MYO1D: variants seen among roughly 807,000 people sequenced by gnomAD.
MYO1D encodes the protein myosin ID.
In MYO1D, 83 loss-of-function variants were observed where a neutral mutation model predicts 122.0. The ratio of observed to expected loss-of-function variants is 0.68; its 90% CI spans 0.57 to 0.82. The LOEUF is 0.82. Ranked by LOEUF, MYO1D falls within the 40% of genes least tolerant of loss-of-function variation. The probability of loss-of-function intolerance (pLI) is 0.00; values close to 1 mark genes in which losing one functional copy is unlikely to be tolerated. For synonymous variants in MYO1D, 464 were observed against 446.9 expected, an observed-to-expected ratio of 1.04 and a Z score of -0.48; for missense variants, 1,157 against 1,269.5, an observed-to-expected ratio of 0.91 and a Z score of 1.35.
intron 14 of MYO1D, among the ~76,000 whole-genome samples, chr17:32,735,209 A>C (rs566030428): frequency 6.6e-6 from 1 of 151,688 alleles, no homozygotes; most frequent in Admixed American, 6.6e-5. Flanking sequence ...TATTTTTTTG[A>C]GATGGAGTCT....
chr17:32,644,081 C>G (rs1306432556), intron 19 of MYO1D, among the ~76,000 whole-genome samples: 1 of 152,010 alleles, frequency 6.6e-6, no homozygotes, highest in African/African-American at 2.4e-5. Flanking sequence ...CTACACACTG[C>G]TTTGAATGTG....
chr17:32,553,948 A>T (rs904113732), intron 21 of MYO1D, among the ~76,000 whole-genome samples: 2 of 152,094 alleles, frequency 1.3e-5, no homozygotes, highest in African/African-American at 4.8e-5. Flanking sequence ...ACGTTCTAAC[A>T]TGTCTGTGTC....
chr17:32,570,372 T>A (rs556856610), intron 21 of MYO1D, among the ~76,000 whole-genome samples: 21 of 151,316 alleles, frequency 1.4e-4, no homozygotes, highest in South Asian at 1.0e-3. Flanking sequence ...TTAAAAAAAA[T>A]TTTTTTTTTT....
At chr17:32,780,892 A>G in intron 1 of MYO1D, 108 bp from the exon 2 acceptor site, 1 of 1,077,572 alleles carries the variant, frequency 9.3e-7, no homozygotes, top group Non-Finnish European at 1.4e-6. Flanking sequence ...CCTAGGAATG[A>G]TTTCTGAACT....
intron 21 of MYO1D, among the ~76,000 whole-genome samples, chr17:32,593,698 G>C (rs527392828): frequency 1.3e-5 from 2 of 152,348 alleles, no homozygotes; most frequent in African/African-American, 4.8e-5. Flanking sequence ...AGCACTTTGG[G>C]AAGTTGAGGC....
At chr17:32,588,916 C>T (rs2087414135) in intron 21 of MYO1D, among the ~76,000 whole-genome samples, 1 of 152,094 alleles carries the variant, frequency 6.6e-6, no homozygotes. Context: ...GCACTCCAGT[C>T]TGGGTGACAG....
intron 21 of MYO1D, among the ~76,000 whole-genome samples, chr17:32,540,465 C>G (rs1450726187): frequency 6.6e-6 from 1 of 151,650 alleles, no homozygotes; most frequent in Admixed American, 6.6e-5. Flanking sequence ...AAAAGACAGC[C>G]CAGTTGAAAA....
intron 16 of MYO1D, among the ~76,000 whole-genome samples, chr17:32,706,748 G>A (rs1467182839): frequency 1.3e-5 from 2 of 152,128 alleles, no homozygotes; most frequent in Admixed American, 6.5e-5. Flanking sequence ...CCAGGCTGGA[G>A]TGTAGTGGCG....
intron 20 of MYO1D, among the ~76,000 whole-genome samples, chr17:32,615,455 C>A (rs766729616): frequency 7.9e-5 from 12 of 152,130 alleles, no homozygotes; most frequent in Non-Finnish European, 1.2e-4. Context: ...TGCCATCTGG[C>A]TTCTTCTTGC....
At chr17:32,765,661 T>G (rs1381337250) in intron 7 of MYO1D, among the ~76,000 whole-genome samples, 2 of 152,090 alleles carry the variant, frequency 1.3e-5, no homozygotes, top group African/African-American at 4.8e-5. Context: ...GGTTTCACCA[T>G]GTTAGCTAGG....
At chr17:32,788,964 C>T (rs1292248088) in intron 1 of MYO1D, among the ~76,000 whole-genome samples, 1 of 151,936 alleles carries the variant, frequency 6.6e-6, no homozygotes, top group Non-Finnish European at 1.5e-5. Flanking sequence ...AATCTTTCAC[C>T]TCCTTGGTTA....
At chr17:32,806,158 T>C (rs899705505) in intron 1 of MYO1D, among the ~76,000 whole-genome samples, 3 of 151,986 alleles carry the variant, frequency 2.0e-5, no homozygotes, top group East Asian at 1.9e-4. Flanking sequence ...ACTCGGGAGG[T>C]TGAGCAGAAG....
intron 1 of MYO1D, among the ~76,000 whole-genome samples, chr17:32,852,718 G>A (rs1598156314): frequency 6.6e-6 from 1 of 152,058 alleles, no homozygotes; most frequent in East Asian, 1.9e-4. Flanking sequence ...TTATCTTATT[G>A]TCTTTATATA....
rs560769511 is a variant in MYO1D, at chr17:32,525,196, T to C, written c.2865-30281A>G. On this transcript the variant is annotated intron_variant, in intron 21 of 21. Coordinates refer to ENST00000318217, the MANE Select transcript of MYO1D (RefSeq NM_015194.3). ...CTGGTAGGATTTATTTGGCTGTCAG[T>C]TGATAGTCCTCTGACCACTGCTCCA... Among the ~76,000 whole-genome samples, 27 of 152,348 alleles carry C rather than the reference T, an allele frequency of 1.8e-4. No individual in the cohort carries two copies. In the South Asian group the frequency reaches 3.7e-3, roughly 21 times the overall value.
intron 18 of MYO1D, 22 bp downstream of exon 18, chr17:32,654,455 C>T (rs1452250895): frequency 3.2e-6 from 5 of 1,577,134 alleles, no homozygotes; most frequent in Non-Finnish European, 4.3e-6. Context: ...AAGTAGATTT[C>T]ACTTTGTTCC....
At position 32,804,320 on chromosome 17, in the gene MYO1D, C is replaced by T. The variant is rs140029052; in HGVS notation, c.96-23536G>A. Among the ~76,000 whole-genome samples, 203 of 152,294 alleles carry T rather than the reference C, an allele frequency of 1.3e-3. 1 individual carries two copies. Among genetic ancestry groups the T allele is most frequent in the Non-Finnish European group, 1.8e-3 (124 of 68,014 alleles). ...TTCTATTAGCAGTTGATTGAATCCACAGATGCAGGACACATAGATATAGAG... is the reference window on the plus strand; with the variant it reads ...TTCTATTAGCAGTTGATTGAATCCATAGATGCAGGACACATAGATATAGAG... On this transcript the variant is annotated intron_variant, in intron 1 of 21. Coordinates refer to ENST00000318217, the MANE Select transcript of MYO1D (RefSeq NM_015194.3).
chr17:32,720,832 A>G (rs1224250108), intron 15 of MYO1D, among the ~76,000 whole-genome samples, 191 bp downstream of exon 15: 1 of 152,302 alleles, frequency 6.6e-6, no homozygotes, highest in African/African-American at 2.4e-5. Flanking sequence ...AAACTTTTTC[A>G]TGGTCCATAA....
chr17:32,554,018 G>A (rs1182299232), intron 21 of MYO1D, among the ~76,000 whole-genome samples: 1 of 152,004 alleles, frequency 6.6e-6, no homozygotes, highest in African/African-American at 2.4e-5. Flanking sequence ...TAGTTGTTAT[G>A]GTCTAGGCTA....
At chr17:32,522,185 AAATT>A (rs1028957771) in intron 21 of MYO1D, among the ~76,000 whole-genome samples, 2 of 152,198 alleles carry the variant, frequency 1.3e-5, no homozygotes, top group African/African-American at 4.8e-5. Flanking sequence ...CAAATAATTA[AAATT>A]AATCAAGCAA....
Sources: allele counts gnomAD v4.1 joint callset (sites outside exome capture counted in the v4.1 genomes callset), GRCh38; gene constraint gnomAD v4.1.1; transcripts MANE v1.5; gene names NCBI Gene and HGNC (gene_info 2026-07-23, HGNC 2026-07-21).